Variants in STXBP6 observed in about 807,000 individuals in gnomAD.
STXBP6 encodes the protein syntaxin-binding protein 6.
In STXBP6, 21 loss-of-function variants were observed where a neutral mutation model predicts 26.9. The observed-to-expected ratio is 0.78, with a 90% CI of 0.55 to 1.12. The LOEUF is 1.12. Ranked by LOEUF, STXBP6 falls within the 50% of genes most tolerant of loss-of-function variation. The probability of loss-of-function intolerance (pLI) is 0.00; values close to 1 mark genes in which losing one functional copy is unlikely to be tolerated. For synonymous variants in STXBP6, 97 were observed against 92.6 expected (o/e 1.05, Z -0.27); for missense variants, 232 against 257.9 (o/e 0.90, Z 0.69).
intron 1 of STXBP6, among the ~76,000 whole-genome samples, chr14:25,030,896 C>T (rs1250025071): frequency 6.6e-6 from 1 of 151,694 alleles, no homozygotes; most frequent in Non-Finnish European, 1.5e-5. Flanking sequence ...AGACACATCC[C>T]GATTTCCTTC....
intron 4 of STXBP6, among the ~76,000 whole-genome samples, chr14:24,834,591 A>G (rs980817767): frequency 6.6e-6 from 1 of 152,212 alleles, no homozygotes; most frequent in Non-Finnish European, 1.5e-5. Flanking sequence ...GGGAACTTAC[A>G]AAGTGGAGAG....
chr14:24,952,814 A>C (rs1277556946), intron 2 of STXBP6, among the ~76,000 whole-genome samples: 2 of 152,156 alleles, frequency 1.3e-5, no homozygotes, highest in Admixed American at 1.3e-4. Context: ...AAATAAGTAA[A>C]AACAAAAGAT....
chr14:24,924,358 C>A (rs72682937), intron 2 of STXBP6, among the ~76,000 whole-genome samples: 2 of 152,238 alleles, frequency 1.3e-5, no homozygotes, highest in Non-Finnish European at 2.9e-5. Flanking sequence ...CAAAACTGAA[C>A]TGAAGATGAA....
At chr14:24,999,216 C>T (rs2074685410) in intron 1 of STXBP6, among the ~76,000 whole-genome samples, 1 of 152,084 alleles carries the variant, frequency 6.6e-6, no homozygotes, top group African/African-American at 2.4e-5. Context: ...ACCATAATAC[C>T]CCAAAAAACC....
chr14:25,002,212 A>C (rs1227888374), intron 1 of STXBP6, among the ~76,000 whole-genome samples: 1 of 152,238 alleles, frequency 6.6e-6, no homozygotes, highest in East Asian at 1.9e-4. Flanking sequence ...ACTATAAGTG[A>C]ATTAAAATTC....
chr14:24,853,604 T>C (rs752691532), intron 4 of STXBP6, among the ~76,000 whole-genome samples: 1 of 152,108 alleles, frequency 6.6e-6, no homozygotes, highest in Non-Finnish European at 1.5e-5. Context: ...TAGCATCTAG[T>C]CTAACCTCTA....
intron 1 of STXBP6, among the ~76,000 whole-genome samples, chr14:25,045,600 C>CTTTTTTTT (rs200296496): frequency 7.4e-6 from 1 of 135,952 alleles, no homozygotes. Flanking sequence ...CTTTTTTTTT[C>CTTTTTTTT]TTTTCTTTTT....
chr14:24,975,473 C>A (rs142530812), intron 1 of STXBP6, among the ~76,000 whole-genome samples: 1 of 152,190 alleles, frequency 6.6e-6, no homozygotes, highest in African/African-American at 2.4e-5. Context: ...TGCTCCTCTG[C>A]ATCTAGTTAC....
chr14:24,845,866 G>C (rs1393333164), intron 4 of STXBP6, among the ~76,000 whole-genome samples: 1 of 152,142 alleles, frequency 6.6e-6, no homozygotes, highest in African/African-American at 2.4e-5. Context: ...GATGCTGGGG[G>C]CTTTGAACAT....
At chr14:24,925,278 C>T (rs1037073942) in intron 2 of STXBP6, among the ~76,000 whole-genome samples, 1 of 152,168 alleles carries the variant, frequency 6.6e-6, no homozygotes, top group Non-Finnish European at 1.5e-5. Flanking sequence ...TGAACAAAGC[C>T]CTCGCCCAAG....
intron 1 of STXBP6, among the ~76,000 whole-genome samples, chr14:24,995,584 T>C (rs983225393): frequency 6.6e-6 from 1 of 152,136 alleles, no homozygotes; most frequent in African/African-American, 2.4e-5. Context: ...TTAAAGAAAA[T>C]AGCATTATTC....
intron 2 of STXBP6, among the ~76,000 whole-genome samples, chr14:24,879,667 G>A (rs1595029053): frequency 6.6e-6 from 1 of 152,230 alleles, no homozygotes; most frequent in African/African-American, 2.4e-5. Context: ...CAAGTTGACA[G>A]AATCCATTTT....
intron 4 of STXBP6, among the ~76,000 whole-genome samples, chr14:24,827,754 T>G (rs2138862465): frequency 6.6e-6 from 1 of 152,316 alleles, no homozygotes; most frequent in Non-Finnish European, 1.5e-5. Context: ...CTCATTTCTA[T>G]GCTTTGCTGC....
intron 1 of STXBP6, among the ~76,000 whole-genome samples, chr14:25,047,628 T>C (rs1216569202): frequency 1.3e-5 from 2 of 152,160 alleles, no homozygotes; most frequent in Non-Finnish European, 2.9e-5. Context: ...GCCCAACAGT[T>C]TGAGATGTAA....
chr14:24,962,157 T>C (rs891687048), intron 2 of STXBP6, among the ~76,000 whole-genome samples: 2 of 152,172 alleles, frequency 1.3e-5, no homozygotes, highest in African/African-American at 4.8e-5. Flanking sequence ...CAAACGTATA[T>C]AGAGATCAAA....
rs3219652 is a variant in STXBP6, at chr14:25,013,466, TCACACACACACA to T, written c.-33+36400_-33+36411del. ...ACCATTGGCTATCAACATCTCTCTT[TCACACACACACA>T]CACACACACACACACACACACACAC... On this transcript the variant is annotated intron_variant, in intron 1 of 5. Coordinates refer to ENST00000323944, the MANE Select transcript of STXBP6 (RefSeq NM_001394410.1). Among the ~76,000 whole-genome samples, 388 of 143,332 alleles carry T rather than the reference TCACACACACACA, an allele frequency of 2.7e-3. 1 individual carries two copies. The highest frequency in any genetic ancestry group is 5.4e-3 in the Admixed American group (77 of 14,330). 94.0% of individuals were successfully genotyped at this position (143,332 alleles called of 152,430 possible). A position where few individuals can be genotyped will look rare whatever the true frequency, so the allele number is the denominator to read the frequency against.
At chr14:25,038,106 AAAC>A (rs202206610) in intron 1 of STXBP6, among the ~76,000 whole-genome samples, 2 of 146,632 alleles carry the variant, frequency 1.4e-5, no homozygotes, top group East Asian at 1.9e-4. Context: ...ACTGAAACAT[AAAC>A]AAGAGGCACG....
chr14:24,981,160 T>C (rs1225113051), intron 1 of STXBP6, among the ~76,000 whole-genome samples: 1 of 152,254 alleles, frequency 6.6e-6, no homozygotes, highest in African/African-American at 2.4e-5. Context: ...TAGCACTTCA[T>C]GATTTACAAA....
At chr14:24,969,364 C>T (rs2073834997) in intron 2 of STXBP6, among the ~76,000 whole-genome samples, 1 of 152,250 alleles carries the variant, frequency 6.6e-6, no homozygotes, top group East Asian at 1.9e-4. Context: ...ATAATTAAAA[C>T]AGGATCCAGA....
Sources: gnomAD v4.1 joint callset for allele counts (sites outside exome capture counted in the v4.1 genomes callset) on GRCh38, gnomAD v4.1.1 for gene constraint, MANE v1.5 for transcripts, NCBI Gene and HGNC (gene_info 2026-07-23, HGNC 2026-07-21) for gene names.